Variants in IDO1 observed in about 807,000 individuals in gnomAD.
IDO1 encodes the protein indoleamine 2,3-dioxygenase 1.
IDO1 carries 35 observed loss-of-function variants against 38.8 expected under a neutral mutation model. The observed-to-expected ratio is 0.90, with a 90% confidence interval of 0.69 to 1.20. The LOEUF is 1.20. Ranked by LOEUF, IDO1 falls within the 50% of genes most tolerant of loss-of-function variation. The probability of loss-of-function intolerance (pLI) is 0.00; values close to 1 mark genes in which losing one functional copy is unlikely to be tolerated. For synonymous variants in IDO1, 171 were observed against 170.0 expected, an observed-to-expected ratio of 1.01 and a Z score of -0.05; for missense variants, 509 against 485.1, an observed-to-expected ratio of 1.05 and a Z score of -0.46.
intron 6 of IDO1, among the ~76,000 whole-genome samples, chr8:39,923,182 T>C (rs1246143467): frequency 6.6e-6 from 1 of 152,078 alleles, no homozygotes. Flanking sequence ...AGTGGGCGGA[T>C]CACTTGAAGT....
intron 3 of IDO1, 116 bp from the exon 4 acceptor site, chr8:39,918,699 T>C (rs1237955825): frequency 5.1e-6 from 3 of 593,224 alleles, no homozygotes; most frequent in Non-Finnish European, 8.5e-6. Flanking sequence ...TGAGCCGAGA[T>C]CCTGCCACTG....
chr8:39,918,875 C>A lies in IDO1; in HGVS notation c.364C>A (p.Pro122Thr), dbSNP rs1421926395. 4 of 1,613,434 alleles carry A rather than the reference C, an allele frequency of 2.5e-6. No individual in the cohort carries two copies. Among genetic ancestry groups the A allele is most frequent in the Non-Finnish European group, 3.4e-6 (4 of 1,179,602 alleles). Residue 122 changes from proline (P) to threonine (T), a missense_variant, in exon 4 of 10, where the codon CCT becomes ACT. Coordinates refer to ENST00000518237, the MANE Select transcript of IDO1 (RefSeq NM_002164.6). The part of the protein sequence containing the change: ...CQLSKKLELP[P>T]ILVYADCVLA... ...ACTCTCCAAGAAACTGGAACTGCCT[C>A]CTATTTTGGTTTATGCAGACTGTGT...
intron 6 of IDO1, 40 bp downstream of exon 6, chr8:39,922,691 C>T (rs775712268): frequency 5.2e-6 from 7 of 1,350,526 alleles, no homozygotes; most frequent in Non-Finnish European, 6.4e-6. Context: ...TGTCAATTTA[C>T]GTAAGCAGAG....
At chr8:39,920,475 C>T (rs910075338) in intron 5 of IDO1, among the ~76,000 whole-genome samples, 3 of 152,160 alleles carry the variant, frequency 2.0e-5, no homozygotes, top group Non-Finnish European at 4.4e-5. Context: ...CCAACTTGTT[C>T]TTTTTGACCC....
intron 8 of IDO1, among the ~76,000 whole-genome samples, chr8:39,925,018 G>C (rs1807338354): frequency 6.6e-6 from 1 of 152,108 alleles, no homozygotes; most frequent in Non-Finnish European, 1.5e-5. Context: ...TCCATTCCTA[G>C]AATAGTTATG....
In IDO1 at chr8:39,925,266, G is replaced by A; in HGVS notation, c.751G>A (p.Gly251Arg). ...PQLSDGLVYEGFWEDPKEFAG... is the reference protein window; with the variant it reads ...PQLSDGLVYERFWEDPKEFAG... ...GCTATCAGACGGTCTGGTGTATGAA[G>A]GGTTCTGGGAAGACCCAAAGGAGTT... Residue 251 changes from glycine to arginine, a missense_variant, in exon 9 of 10, where the codon GGG becomes AGG. Physicochemically the swap from Gly to Arg is moderately radical, Grantham distance 125. Transcript: ENST00000518237. The A allele has an allele frequency of 1.2e-6, 2 of 1,612,752 alleles. No homozygotes were observed. The highest frequency in any genetic ancestry group is 1.7e-6 in the Non-Finnish European group (2 of 1,179,406).
At chr8:39,923,627 CA>C (rs1807313722) in intron 7 of IDO1, 41 bp downstream of exon 7, 1 of 1,173,028 alleles carries the variant, frequency 8.5e-7, no homozygotes, top group African/African-American at 1.5e-5. Context: ...GCTGACAAGT[CA>C]AATGTTCCAG....
Sources: gnomAD v4.1 joint callset for allele counts (sites outside exome capture counted in the v4.1 genomes callset) on GRCh38, gnomAD v4.1.1 for gene constraint, MANE v1.5 for transcripts, NCBI Gene and HGNC (gene_info 2026-07-23, HGNC 2026-07-21) for gene names.